Variants in SH2D4B observed in about 807,000 individuals in gnomAD.
The protein encoded by SH2D4B is SH2 domain containing 4B.
SH2D4B carries 45 observed loss-of-function variants against 61.5 expected under a neutral mutation model. The observed-to-expected ratio is 0.73, with a 90% CI of 0.58 to 0.94. The LOEUF is 0.94. SH2D4B is among the 40% of genes least tolerant of loss of function. SH2D4B has a pLI of 0.00. For synonymous variants in SH2D4B, 224 were observed against 220.4 expected, an observed-to-expected ratio of 1.02 and a Z score of -0.14; for missense variants, 572 against 574.2, an observed-to-expected ratio of 1.00 and a Z score of 0.04.
At chr10:80,558,311 A>G (rs1032467270) in intron 1 of SH2D4B, among the ~76,000 whole-genome samples, 5 of 152,114 alleles carry the variant, frequency 3.3e-5, no homozygotes, top group African/African-American at 1.2e-4. Flanking sequence ...GAAAGTATTC[A>G]GCTGTCATGT....
chr10:80,601,020 G>A (rs1269235205), intron 4 of SH2D4B, among the ~76,000 whole-genome samples: 1 of 152,146 alleles, frequency 6.6e-6, no homozygotes, highest in East Asian at 1.9e-4. Context: ...GGAACTTACA[G>A]ACCTCCCTTT....
intron 1 of SH2D4B, among the ~76,000 whole-genome samples, chr10:80,565,790 G>A (rs1841958310): frequency 6.6e-6 from 1 of 151,998 alleles, no homozygotes; most frequent in Admixed American, 6.6e-5. Context: ...GAAGAAGGTC[G>A]GGTAAAAGAG....
chr10:80,556,719 A>G (rs1211000809), intron 1 of SH2D4B, among the ~76,000 whole-genome samples: 1 of 152,204 alleles, frequency 6.6e-6, no homozygotes, highest in Non-Finnish European at 1.5e-5. Context: ...AAATACAGAA[A>G]TACAATGGAT....
chr10:80,541,607 A>G (rs1205960218), intron 1 of SH2D4B, among the ~76,000 whole-genome samples: 1 of 152,032 alleles, frequency 6.6e-6, no homozygotes, highest in Non-Finnish European at 1.5e-5. Context: ...TTCTGGGAAC[A>G]TTCCTCGCTC....
intron 7 of SH2D4B, among the ~76,000 whole-genome samples, chr10:80,640,835 G>C (rs780920992): frequency 6.6e-6 from 1 of 152,186 alleles, no homozygotes; most frequent in Non-Finnish European, 1.5e-5. Flanking sequence ...TTCTGTTGCT[G>C]CTGAGGAGCT....
chr10:80,632,243 A>AT (rs1020101241), intron 6 of SH2D4B, among the ~76,000 whole-genome samples: 2 of 152,082 alleles, frequency 1.3e-5, no homozygotes, highest in Non-Finnish European at 2.9e-5. Context: ...GGTCTGAGCT[A>AT]TTATACCCAG....
chr10:80,632,501 A>G (rs116839121), intron 6 of SH2D4B, among the ~76,000 whole-genome samples: 2,390 of 152,028 alleles, frequency 0.016, 70 homozygotes, highest in African/African-American at 0.055. Flanking sequence ...CCCTAGTAAC[A>G]CTCCCCTCCT....
chr10:80,619,559 A>G (rs1254211969), intron 6 of SH2D4B, among the ~76,000 whole-genome samples: 1 of 152,218 alleles, frequency 6.6e-6, no homozygotes, highest in Non-Finnish European at 1.5e-5. Context: ...TCCCTTAATT[A>G]TAACTCTGTT....
intron 3 of SH2D4B, among the ~76,000 whole-genome samples, chr10:80,587,352 C>G (rs111684881): frequency 0.11 from 16,559 of 151,942 alleles, 1,131 homozygotes; most frequent in African/African-American, 0.2. Context: ...GCGATCTCAG[C>G]TCACTGCAAC....
At chr10:80,601,433 T>A (rs1481971570) in intron 4 of SH2D4B, among the ~76,000 whole-genome samples, 3 of 152,238 alleles carry the variant, frequency 2.0e-5, no homozygotes, top group Non-Finnish European at 2.9e-5. Flanking sequence ...AAAGAAGGAT[T>A]TGCTTCACTG....
chr10:80,579,736 A>G (rs1356514851), intron 3 of SH2D4B, among the ~76,000 whole-genome samples: 3 of 151,542 alleles, frequency 2.0e-5, no homozygotes, highest in African/African-American at 7.3e-5. Context: ...CCTTTTGGCC[A>G]CCTAATGAAC....
At chr10:80,548,268 G>A (rs1354313725) in intron 1 of SH2D4B, among the ~76,000 whole-genome samples, 3 of 152,132 alleles carry the variant, frequency 2.0e-5, no homozygotes, top group South Asian at 2.1e-4. Flanking sequence ...AGTTTCAAGC[G>A]ATTCTCCTGC....
At chr10:80,549,202 ATTG>A (rs563449190) in intron 1 of SH2D4B, among the ~76,000 whole-genome samples, 14,415 of 80,442 alleles carry the variant, frequency 0.18, 1,070 homozygotes, top group East Asian at 0.33. Context: ...ATGGGACTTG[ATTG>A]TGTGTGTGTG....
intron 6 of SH2D4B, among the ~76,000 whole-genome samples, chr10:80,618,395 C>T (rs1842682515): frequency 6.6e-6 from 1 of 152,238 alleles, no homozygotes; most frequent in East Asian, 1.9e-4. Context: ...TGGATATTGC[C>T]TCTTGTGCAT....
chr10:80,581,015 G>A (rs1380535545), intron 3 of SH2D4B, among the ~76,000 whole-genome samples: 8 of 152,164 alleles, frequency 5.3e-5, no homozygotes, highest in Non-Finnish European at 8.8e-5. Flanking sequence ...TTTCAGCTTT[G>A]AGCGTTATTT....
intron 7 of SH2D4B, among the ~76,000 whole-genome samples, chr10:80,640,869 C>A (rs551337614): frequency 1.2e-4 from 18 of 152,192 alleles, no homozygotes; most frequent in Non-Finnish European, 2.2e-4. Context: ...GGAGAAGAGG[C>A]GCTCTGGTTT....
intron 6 of SH2D4B, among the ~76,000 whole-genome samples, chr10:80,617,349 C>T (rs1202682249): frequency 6.6e-6 from 1 of 152,152 alleles, no homozygotes; most frequent in Non-Finnish European, 1.5e-5. Flanking sequence ...TGCCACCCTC[C>T]TATAGAATTC....
chr10:80,538,300 G>C lies in SH2D4B; in HGVS notation c.-32G>C. ...CCTGGCCCTGCTTCCCCTGCTGGCT[G>C]CCCTTCTGGTGCGTGCATCCCAGGT... is the stretch of plus-strand genomic sequence containing the variant. On this transcript the variant is annotated 5_prime_UTR_variant, in exon 1 of 8. Transcript: ENST00000646907. This position sits in a 1 kb window ranked among gnomAD's most constrained non-coding sequence, Gnocchi z 4.8. 1 of 1,287,864 alleles carries C rather than the reference G, an allele frequency of 7.8e-7. No homozygotes were observed. The highest frequency in any genetic ancestry group is 1.5e-5 in the African/African-American group (1 of 65,064). The allele number at this position is 1,287,864 out of a possible 1,614,324, so 79.8% of individuals were successfully genotyped here. A position where few individuals can be genotyped will look rare whatever the true frequency, so the allele number is the denominator to read the frequency against.
Position 80,571,597 on chromosome 10 carries a change from C to A in SH2D4B, c.495+19C>A, listed in dbSNP as rs762896769. ...ATTCAAGGTGGGCCAGCGCATGGGG[C>A]CCCTGCGTGCGGCCACCTAATTAGC... On this transcript the variant is annotated intron_variant, in intron 3 of 7. Transcript: ENST00000646907. 6.2e-7 allele frequency: 1 copy of A among 1,611,542 alleles called. No homozygotes were observed. Among genetic ancestry groups the A allele is most frequent in the Non-Finnish European group, 8.5e-7 (1 of 1,179,210 alleles).
Sources: gnomAD v4.1 joint callset for allele counts (sites outside exome capture counted in the v4.1 genomes callset) on GRCh38, gnomAD v4.1.1 for gene constraint, Gnocchi (gnomAD v3.1) non-coding constraint, MANE v1.5 for transcripts, NCBI Gene and HGNC (gene_info 2026-07-23, HGNC 2026-07-21) for gene names.